Variants in ZNF514 observed in about 807,000 individuals in gnomAD.
ZNF514 encodes zinc finger protein 514.
ZNF514 carries 12 observed loss-of-function variants against 9.7 expected under a neutral mutation model. The ratio of observed to expected loss-of-function variants is 1.24; its 90% CI spans 0.79 to 2.01. The LOEUF is 2.01. ZNF514 is among the 30% of genes most tolerant of loss of function. ZNF514 has a pLI of 0.00. For missense variants in ZNF514, 467 were observed against 465.5 expected, an observed-to-expected ratio of 1.00 and a Z score of -0.03; for synonymous variants, 158 against 163.7, an observed-to-expected ratio of 0.97 and a Z score of 0.27.
Position 95,157,416 on chromosome 2 carries a change from G to C in ZNF514, c.-72C>G. On this transcript the variant is annotated 5_prime_UTR_variant, in exon 2 of 5. Transcript: ENST00000295208. ...TCTCCTGGGAATCTCTCTGGAGGAA[G>C]AGCAGGATTCTGAGAAGGGGAAGCT... The C allele has an allele frequency of 7.8e-7, 1 of 1,289,622 alleles. No homozygotes were observed. The highest frequency in any genetic ancestry group is 1.0e-6 in the Non-Finnish European group (1 of 988,746). 79.9% of individuals were successfully genotyped at this position (1,289,622 alleles called of 1,614,324 possible).
chr2:95,149,231 G>A lies in ZNF514; in HGVS notation c.*51C>T. ...TCTCTCTCTGATATGAATTCTTTAA[G>A]TTCCAGTGATGTCTGCACTCCAGCT... On this transcript the variant is annotated 3_prime_UTR_variant, in exon 5 of 5. Transcript: ENST00000295208. The A allele has an allele frequency of 6.6e-7, 1 of 1,517,554 alleles. No homozygotes were observed. The allele number at this position is 1,517,554 out of a possible 1,614,324, so 94.0% of individuals were successfully genotyped here. A position where few individuals can be genotyped will look rare whatever the true frequency, so the allele number is the denominator to read the frequency against.
intron 3 of ZNF514, 87 bp downstream of exon 3, chr2:95,153,046 A>T: frequency 6.6e-7 from 1 of 1,524,198 alleles, no homozygotes. Context: ...GGCCAAACTT[A>T]GCCAACCAGC....
downstream of ZNF514, among the ~76,000 whole-genome samples, chr2:95,140,601 A>G (rs183385936): frequency 6.6e-6 from 1 of 152,142 alleles, no homozygotes; most frequent in Admixed American, 6.6e-5. Flanking sequence ...TGACGGAGCA[A>G]GACTTCATCT....
chr2:95,128,648 A>G, the ZNF514 span, among the ~76,000 whole-genome samples: 1 of 151,128 alleles, frequency 6.6e-6, no homozygotes, highest in Non-Finnish European at 1.5e-5. Context: ...AAGAAAGAAA[A>G]AGGAGGAGGA....
chr2:95,132,782 C>T, the ZNF514 span, among the ~76,000 whole-genome samples: 1 of 147,920 alleles, frequency 6.8e-6, no homozygotes, highest in African/African-American at 2.5e-5. Flanking sequence ...GCAGGAGACT[C>T]GCTTGAACCC....
chr2:95,139,000 G>A, the ZNF514 span, among the ~76,000 whole-genome samples: 1 of 152,238 alleles, frequency 6.6e-6, no homozygotes, highest in Admixed American at 6.5e-5. Flanking sequence ...GGGGTTCAAA[G>A]GGGCTCAGGT....
At position 95,149,121 on chromosome 2, in the gene ZNF514, T is replaced by C; in HGVS notation, c.*161A>G. The C allele has an allele frequency of 2.2e-6, 2 of 912,892 alleles. No individual in the cohort carries two copies. The highest frequency in any genetic ancestry group is 2.6e-5 in the East Asian group (1 of 38,468). The allele number at this position is 912,892 out of a possible 1,614,324, so 56.5% of individuals were successfully genotyped here. A position where few individuals can be genotyped will look rare whatever the true frequency, so the allele number is the denominator to read the frequency against. On this transcript the variant is annotated 3_prime_UTR_variant, in exon 5 of 5. Coordinates refer to ENST00000295208, the MANE Select transcript of ZNF514 (RefSeq NM_032788.3). The stretch of plus-strand genomic sequence containing the variant: ...TAAGAGAGGGGAAGCCCACCCCCTC[T>C]TGACATTGACAGGGATTCTCTTTAG...
the ZNF514 span, among the ~76,000 whole-genome samples, chr2:95,133,310 G>A: frequency 6.6e-6 from 1 of 152,158 alleles, no homozygotes; most frequent in Non-Finnish European, 1.5e-5. Context: ...CTCCAGCCTG[G>A]GCGACAGAGC....
downstream of ZNF514, among the ~76,000 whole-genome samples, chr2:95,140,132 G>T (rs987373450): frequency 4.6e-5 from 7 of 152,078 alleles, no homozygotes; most frequent in African/African-American, 9.7e-5. Flanking sequence ...GCCTGTCAGT[G>T]GGTGAGGGGA....
the ZNF514 span, among the ~76,000 whole-genome samples, chr2:95,127,774 A>T: frequency 6.6e-6 from 1 of 152,034 alleles, no homozygotes; most frequent in African/African-American, 2.4e-5. Context: ...ACGCCCGGCT[A>T]ATTTTTATAT....
chr2:95,136,810 T>C, the ZNF514 span, among the ~76,000 whole-genome samples: 2 of 152,302 alleles, frequency 1.3e-5, no homozygotes, highest in South Asian at 4.1e-4. Flanking sequence ...ATTACTAATT[T>C]AAGTTCTCTT....
At chr2:95,144,380 G>A (rs1488262967), downstream of ZNF514, among the ~76,000 whole-genome samples, 1 of 152,126 alleles carries the variant, frequency 6.6e-6, no homozygotes, top group Non-Finnish European at 1.5e-5. Context: ...GGAGAGGAGG[G>A]GGAGCTGGTG....
the ZNF514 span, among the ~76,000 whole-genome samples, chr2:95,132,975 A>C: frequency 6.6e-5 from 10 of 152,172 alleles, no homozygotes; most frequent in Non-Finnish European, 1.5e-4. Context: ...TTTACACTAA[A>C]AAACCTGTTT....
In ZNF514 at chr2:95,146,382, A is replaced by G. The variant is rs1216741140; in HGVS notation, c.*2900T>C. On this transcript the variant is annotated 3_prime_UTR_variant, in exon 5 of 5. Coordinates refer to ENST00000295208, the MANE Select transcript of ZNF514 (RefSeq NM_032788.3). ...ATATGACTTCATATCAGTTTTCAAG[A>G]GAACACCTCTCCAAGGAAGGGAAAT... Among the ~76,000 whole-genome samples, 1 of 152,228 alleles carries G rather than the reference A, an allele frequency of 6.6e-6. No individual in the cohort carries two copies. The highest frequency in any genetic ancestry group is 1.5e-5 in the Non-Finnish European group (1 of 68,050).
At chr2:95,129,694 G>C in the ZNF514 span, among the ~76,000 whole-genome samples, 1 of 152,162 alleles carries the variant, frequency 6.6e-6, no homozygotes, top group Non-Finnish European at 1.5e-5. Flanking sequence ...ATCAAGCCAA[G>C]AAGATCTGAG....
Position 95,159,670 on chromosome 2 carries a change from A to AGCCCCCGCCCGCCG in ZNF514, c.-527_-526insCGGCGGGCGGGGGC, listed in dbSNP as rs1673801940. On this transcript the variant is annotated 5_prime_UTR_variant, in exon 1 of 5. Transcript: ENST00000295208. The stretch of plus-strand genomic sequence containing the variant: ...CACCCCGCGCCAGCCCCCGCCCGCC[A>AGCCCCCGCCCGCCG]CCCCGCGCCAGCCCCCGCGTCCGCC... The AGCCCCCGCCCGCCG allele has an allele frequency of 4.6e-5, 2 of 43,586 alleles. No homozygotes were observed. The highest frequency in any genetic ancestry group is 9.9e-5 in the Non-Finnish European group (2 of 20,148). 2.7% of individuals were successfully genotyped at this position (43,586 alleles called of 1,614,324 possible).
Position 95,146,013 on chromosome 2 carries a change from A to C in ZNF514, c.*3269T>G. On this transcript the variant is annotated 3_prime_UTR_variant, in exon 5 of 5. Transcript: ENST00000295208. ...GTCAGACTTGTTTCTTATCAGACTT[A>C]AATCTATTTTGGCGTAAAACACTTT... Among the ~76,000 whole-genome samples, 1 of 152,086 alleles carries C rather than the reference A, an allele frequency of 6.6e-6. No homozygotes were observed. Among genetic ancestry groups the C allele is most frequent in the East Asian group, 1.9e-4 (1 of 5,188 alleles).
chr2:95,155,891 CAAG>C (rs1164873954), intron 2 of ZNF514, among the ~76,000 whole-genome samples: 4 of 152,288 alleles, frequency 2.6e-5, no homozygotes, highest in East Asian at 3.9e-4. Context: ...CCCTCTGATA[CAAG>C]AAGAGCATAT....
chr2:95,128,563 A>C, the ZNF514 span, among the ~76,000 whole-genome samples: 1 of 152,024 alleles, frequency 6.6e-6, no homozygotes. Context: ...CTCAAGAAAA[A>C]GAAGAAAGAA....
Sources: allele counts gnomAD v4.1 joint callset (sites outside exome capture counted in the v4.1 genomes callset), GRCh38; gene constraint gnomAD v4.1.1; transcripts MANE v1.5; gene names NCBI Gene and HGNC (gene_info 2026-07-23, HGNC 2026-07-21).